WWOX: variants seen among roughly 807,000 people sequenced by gnomAD.
WWOX encodes WW domain containing oxidoreductase.
In WWOX, 69 loss-of-function variants were observed where a neutral mutation model predicts 46.2. The observed-to-expected ratio is 1.49, with a 90% CI of 1.23 to 1.82. WWOX has a LOEUF of 1.82. Ranked by LOEUF, WWOX falls within the 40% of genes most tolerant of loss-of-function variation. The probability of loss-of-function intolerance (pLI) is 0.00; values close to 1 mark genes in which losing one functional copy is unlikely to be tolerated. For synonymous variants in WWOX, 359 were observed against 202.6 expected, an observed-to-expected ratio of 1.77 and a Z score of -6.56; for missense variants, 919 against 542.6, an observed-to-expected ratio of 1.69 and a Z score of -6.89.
chr16:78,759,788 G>C (rs1597563570), intron 8 of WWOX, among the ~76,000 whole-genome samples: 1 of 152,128 alleles, frequency 6.6e-6, no homozygotes, highest in Admixed American at 6.5e-5. Context: ...AGTTCTGAAG[G>C]TTTCGCTCCA....
Position 78,543,913 on chromosome 16 carries a change from A to G in WWOX, c.1056+111161A>G, listed in dbSNP as rs564943132. On this transcript the variant is annotated intron_variant, in intron 8 of 8. Coordinates refer to ENST00000566780, the MANE Select transcript of WWOX (RefSeq NM_016373.4). ...TTGGTACTTTAATCATCAATAAACTAACATCTCAACAGCCTGCCATAAATT... is the reference window on the plus strand; with the variant it reads ...TTGGTACTTTAATCATCAATAAACTGACATCTCAACAGCCTGCCATAAATT... Among the ~76,000 whole-genome samples, 16 of 152,310 alleles carry G rather than the reference A, an allele frequency of 1.1e-4. No individual in the cohort carries two copies. The South Asian group carries it at 3.3e-3, about 32-fold the overall frequency.
At chr16:78,240,077 G>A (rs1421158792) in intron 5 of WWOX, among the ~76,000 whole-genome samples, 1 of 152,130 alleles carries the variant, frequency 6.6e-6, no homozygotes, top group Non-Finnish European at 1.5e-5. Flanking sequence ...CAGATGTAAC[G>A]TTATATGGAA....
intron 8 of WWOX, among the ~76,000 whole-genome samples, chr16:79,045,982 A>C (rs932886981): frequency 2.0e-5 from 3 of 151,220 alleles, no homozygotes; most frequent in African/African-American, 7.3e-5. Flanking sequence ...TTGTATTTTT[A>C]GTAGAGACGG....
chr16:79,042,370 A>C (rs538823613), intron 8 of WWOX, among the ~76,000 whole-genome samples: 1 of 152,246 alleles, frequency 6.6e-6, no homozygotes, highest in East Asian at 1.9e-4. Flanking sequence ...CAGGGCCTGG[A>C]GCTGGGTTTC....
At chr16:78,229,196 T>C (rs1368460002) in intron 5 of WWOX, among the ~76,000 whole-genome samples, 1 of 151,706 alleles carries the variant, frequency 6.6e-6, no homozygotes, top group African/African-American at 2.4e-5. Flanking sequence ...TTACGAATCA[T>C]AGTGTTCATA....
chr16:79,010,661 G>A lies in WWOX; in HGVS notation c.1057-200947G>A, dbSNP rs139372552. Among the ~76,000 whole-genome samples the A allele has an allele frequency of 1.7e-3, 253 of 152,336 alleles. 1 individual carries two copies. The highest frequency in any genetic ancestry group is 5.7e-3 in the African/African-American group (239 of 41,568). On this transcript the variant is annotated intron_variant, in intron 8 of 8. Coordinates refer to ENST00000566780, the MANE Select transcript of WWOX (RefSeq NM_016373.4). ...GGAGACGGAGAAGTTGGAGAAGACA[G>A]TGGATTGTTTCTCTGGGTGGTCAAG...
At chr16:79,198,965 C>A (rs773354812) in intron 8 of WWOX, among the ~76,000 whole-genome samples, 1 of 152,282 alleles carries the variant, frequency 6.6e-6, no homozygotes, top group South Asian at 2.1e-4. Flanking sequence ...GACTGGGTGT[C>A]TAGAGCCATG....
chr16:78,868,750 T>TATA (rs2044062161), intron 8 of WWOX, among the ~76,000 whole-genome samples: 1 of 152,216 alleles, frequency 6.6e-6, no homozygotes, highest in Non-Finnish European at 1.5e-5. Flanking sequence ...TGGCTCACTA[T>TATA]ATATGTCTAA....
intron 8 of WWOX, among the ~76,000 whole-genome samples, chr16:79,055,697 AG>A (rs2048249385): frequency 6.6e-6 from 1 of 152,248 alleles, no homozygotes; most frequent in Non-Finnish European, 1.5e-5. Flanking sequence ...CAAACACCCA[AG>A]GGCAATAAAT....
chr16:78,540,105 C>CT lies in WWOX; in HGVS notation c.1056+107360dup, dbSNP rs576405232. Among the ~76,000 whole-genome samples the CT allele has an allele frequency of 9.1e-4, 138 of 151,912 alleles. 1 individual carries two copies. The highest frequency in any genetic ancestry group is 3.7e-3 in the South Asian group (18 of 4,810). On this transcript the variant is annotated intron_variant, in intron 8 of 8. Coordinates refer to ENST00000566780, the MANE Select transcript of WWOX (RefSeq NM_016373.4). ...TTAACATTCTTTTTCCACCCTCACA[C>CT]TTTTTTTAGCTCCGATCTGTGTTCA...
chr16:78,606,349 A>G (rs1232564613), intron 8 of WWOX, among the ~76,000 whole-genome samples: 2 of 152,194 alleles, frequency 1.3e-5, no homozygotes, highest in Non-Finnish European at 2.9e-5. Flanking sequence ...GCTATTTACT[A>G]TTAATGTAGA....
chr16:78,253,109 C>T (rs998554398), intron 5 of WWOX, among the ~76,000 whole-genome samples: 1 of 152,134 alleles, frequency 6.6e-6, no homozygotes, highest in Non-Finnish European at 1.5e-5. Flanking sequence ...ATGAATTTGG[C>T]ATCTACTTCC....
chr16:78,254,240 A>C (rs2038062891), intron 5 of WWOX, among the ~76,000 whole-genome samples: 1 of 151,334 alleles, frequency 6.6e-6, no homozygotes, highest in African/African-American at 2.4e-5. Context: ...TTTTTTTGAA[A>C]CTATTTGTAG....
intron 8 of WWOX, chr16:78,895,436 T>C (rs1302039275): frequency 6.6e-6 from 1 of 152,268 alleles, no homozygotes. Flanking sequence ...CTTCTTTCTG[T>C]TCTGCCCCAT....
At position 78,533,427 on chromosome 16, in the gene WWOX, C is replaced by A. The variant is rs531686336; in HGVS notation, c.1056+100675C>A. On this transcript the variant is annotated intron_variant, in intron 8 of 8. Transcript: ENST00000566780. ...TTGATGAGCTAAAAAAAAAAAAAAT[C>A]CCCAAAAAATCTCATAATGTTTTAA... Among the ~76,000 whole-genome samples, 4 of 151,338 alleles carry A rather than the reference C, an allele frequency of 2.6e-5. No individual in the cohort carries two copies. In the South Asian group the frequency reaches 8.4e-4, roughly 32 times the overall value.
intron 8 of WWOX, among the ~76,000 whole-genome samples, chr16:78,587,843 A>G (rs956473036): frequency 4.6e-5 from 7 of 152,162 alleles, no homozygotes; most frequent in African/African-American, 1.7e-4. Flanking sequence ...GTGAATGCCA[A>G]TTCCTTGCTG....
intron 8 of WWOX, among the ~76,000 whole-genome samples, chr16:78,537,156 A>G (rs2043778755): frequency 6.6e-6 from 1 of 151,984 alleles, no homozygotes; most frequent in African/African-American, 2.4e-5. Flanking sequence ...ACCTCAGGTG[A>G]TCTGCCTGCC....
chr16:78,680,640 T>G (rs1387340128), intron 8 of WWOX, among the ~76,000 whole-genome samples: 1 of 152,212 alleles, frequency 6.6e-6, no homozygotes, highest in Non-Finnish European at 1.5e-5. Context: ...AAATTAAAGA[T>G]TCAATCTCTC....
chr16:78,506,129 G>C lies in WWOX; in HGVS notation c.1056+73377G>C, dbSNP rs566602813. ...CCTGGAGAAGGGGAGGACAGGCTTC[G>C]AGTTTTTTGGGTAGTGACTTCTGTG... On this transcript the variant is annotated intron_variant, in intron 8 of 8. Transcript: ENST00000566780. 1.3e-3 allele frequency among the ~76,000 whole-genome samples: 197 copies of C among 152,306 alleles called. 1 individual carries two copies. The highest frequency in any genetic ancestry group is 2.3e-3 in the Non-Finnish European group (155 of 68,030).
Sources: allele counts gnomAD v4.1 joint callset (sites outside exome capture counted in the v4.1 genomes callset), GRCh38; gene constraint gnomAD v4.1.1; transcripts MANE v1.5; gene names NCBI Gene and HGNC (gene_info 2026-07-23, HGNC 2026-07-21).